Variants in MAPK14 observed in about 807,000 individuals in gnomAD.
The protein encoded by MAPK14 is CSAID-binding protein.
Under a neutral mutation model 49.6 loss-of-function variants are expected in MAPK14, and 16 were observed. The ratio of observed to expected loss-of-function variants is 0.32; its 90% CI spans 0.22 to 0.49. MAPK14 has a LOEUF of 0.49. Ranked by LOEUF, MAPK14 falls within the 20% of genes least tolerant of loss-of-function variation. MAPK14 has a pLI of 0.99. For missense variants in MAPK14, 200 were observed against 441.2 expected, an observed-to-expected ratio of 0.45 and a Z score of 4.90; for synonymous variants, 142 against 158.0, an observed-to-expected ratio of 0.90 and a Z score of 0.76.
chr6:36,090,826 A>G (rs1765196784), intron 8 of MAPK14, among the ~76,000 whole-genome samples: 1 of 152,216 alleles, frequency 6.6e-6, no homozygotes, highest in Non-Finnish European at 1.5e-5. Context: ...AAAATATTTT[A>G]TTAGGTTATT....
intron 6 of MAPK14, among the ~76,000 whole-genome samples, chr6:36,074,431 A>C (rs1354078022): frequency 2.0e-5 from 3 of 152,132 alleles, no homozygotes; most frequent in African/African-American, 7.2e-5. Context: ...GCAGAAACCC[A>C]CTCACTCAAA....
Position 36,107,269 on chromosome 6 carries a change from TACACACAC to T in MAPK14, c.842-170_842-163del, listed in dbSNP as rs67149910. On this transcript the variant is annotated intron_variant, in intron 10 of 11. Transcript: ENST00000229794. The surrounding 1 kb of genome is among the most constrained non-coding windows in gnomAD (Gnocchi z 4.3). ...AATTTTAAAACATAGAAAATACAGA[TACACACAC>T]ACACACACACACACATACACACATA... Among the ~76,000 whole-genome samples, 1 of 150,774 alleles carries T rather than the reference TACACACAC, an allele frequency of 6.6e-6. No homozygotes were observed. The highest frequency in any genetic ancestry group is 2.1e-4 in the South Asian group (1 of 4,764).
chr6:36,093,000 A>G (rs1355075739), intron 8 of MAPK14, among the ~76,000 whole-genome samples: 2 of 152,208 alleles, frequency 1.3e-5, no homozygotes, highest in Non-Finnish European at 2.9e-5. Flanking sequence ...GAATAGAGTT[A>G]TAGATAAGCT....
At chr6:36,076,097 T>A in intron 7 of MAPK14, 135 bp downstream of exon 7, 2 of 900,250 alleles carry the variant, frequency 2.2e-6, no homozygotes, top group Non-Finnish European at 3.3e-6. Flanking sequence ...AGCCTGCAAG[T>A]AAAAATATTT....
chr6:36,056,575 ATGTC>A (rs899999991), intron 2 of MAPK14, among the ~76,000 whole-genome samples: 7 of 152,182 alleles, frequency 4.6e-5, no homozygotes, highest in African/African-American at 1.7e-4. Context: ...TGGTTCCAAA[ATGTC>A]TGTTGTGTTT....
At chr6:36,043,804 CTTT>C (rs796534477) in intron 1 of MAPK14, among the ~76,000 whole-genome samples, 1 of 90,394 alleles carries the variant, frequency 1.1e-5, no homozygotes, top group South Asian at 3.8e-4. Context: ...CTTTTTCTTT[CTTT>C]TTTTTTTTTT....
chr6:36,110,468 C>T lies in MAPK14; in HGVS notation c.*2021C>T, dbSNP rs201932428. 7 of 152,672 alleles carry T rather than the reference C, an allele frequency of 4.6e-5. No homozygotes were observed. Among genetic ancestry groups the T allele is most frequent in the Non-Finnish European group, 8.8e-5 (6 of 68,052 alleles). 9.5% of individuals were successfully genotyped at this position (152,672 alleles called of 1,614,324 possible). A position where few individuals can be genotyped will look rare whatever the true frequency, so the allele number is the denominator to read the frequency against. On this transcript the variant is annotated 3_prime_UTR_variant, in exon 12 of 12. Coordinates refer to ENST00000229794, the MANE Select transcript of MAPK14 (RefSeq NM_139012.3). ...TTGTAAATGCTCGTGTGATTTCCTA[C>T]AGAAATACTGCTCTGAATATTTTGT...
chr6:36,052,690 T>G lies in MAPK14; in HGVS notation c.117-9T>G. On this transcript the variant is annotated splice_polypyrimidine_tract_variant and intron_variant, in intron 1 of 11. Coordinates refer to ENST00000229794, the MANE Select transcript of MAPK14 (RefSeq NM_139012.3). The stretch of plus-strand genomic sequence containing the variant: ...TTAATGGTGGGTTTTTTCCCTTTTT[T>G]CTCCTTAGTGCTGCTTTTGACACAA... 1 of 1,586,818 alleles carries G rather than the reference T, an allele frequency of 6.3e-7. No individual in the cohort carries two copies. Among genetic ancestry groups the G allele is most frequent in the Admixed American group, 1.9e-5 (1 of 53,312 alleles).
chr6:36,120,927 C>T, the MAPK14 span, among the ~76,000 whole-genome samples: 1 of 152,120 alleles, frequency 6.6e-6, no homozygotes, highest in Non-Finnish European at 1.5e-5. Flanking sequence ...ACACTCGTGC[C>T]CTCAAGAACT....
the MAPK14 span, among the ~76,000 whole-genome samples, chr6:36,121,906 A>T: frequency 1.3e-5 from 2 of 152,170 alleles, no homozygotes; most frequent in South Asian, 4.1e-4. Flanking sequence ...GATACTGTTA[A>T]CCCATCTCAT....
chr6:36,111,853 G>A (rs976920859), downstream of MAPK14, among the ~76,000 whole-genome samples: 4 of 152,172 alleles, frequency 2.6e-5, no homozygotes, highest in African/African-American at 7.2e-5. Flanking sequence ...CAGTGACTTC[G>A]TAAGGAGGTG....
chr6:36,101,580 G>A (rs1765639365), intron 9 of MAPK14, among the ~76,000 whole-genome samples: 1 of 151,954 alleles, frequency 6.6e-6, no homozygotes, highest in South Asian at 2.1e-4. Context: ...CCACCTCCTG[G>A]GCTCAAGCTT....
chr6:36,114,552 AG>A (rs1412292594), downstream of MAPK14, among the ~76,000 whole-genome samples: 2 of 151,060 alleles, frequency 1.3e-5, no homozygotes, highest in Non-Finnish European at 3.0e-5. Flanking sequence ...TGGGAGGCGG[AG>A]GTTGCAGTGA....
intron 2 of MAPK14, among the ~76,000 whole-genome samples, chr6:36,054,229 C>T (rs1330354451): frequency 1.3e-5 from 2 of 152,130 alleles, no homozygotes; most frequent in Non-Finnish European, 2.9e-5. Context: ...GAGACAGTGT[C>T]ACAGCTTTGC....
intron 1 of MAPK14, among the ~76,000 whole-genome samples, chr6:36,038,411 T>C (rs1010847145): frequency 6.6e-6 from 1 of 152,176 alleles, no homozygotes; most frequent in African/African-American, 2.4e-5. Flanking sequence ...GTTGCAGATA[T>C]GCAGGGATCA....
chr6:36,094,700 A>G lies in MAPK14; in HGVS notation c.683-1287A>G, dbSNP rs184850636. Among the ~76,000 whole-genome samples the G allele has an allele frequency of 2.0e-5, 3 of 152,298 alleles. No individual in the cohort carries two copies. In the East Asian group the frequency reaches 5.8e-4, roughly 29 times the overall value. On this transcript the variant is annotated intron_variant, in intron 8 of 11. Transcript: ENST00000229794. ...CAAATATTTTGACTACCTGTCATGT[A>G]CCAGATGTTAGGCTGGGGATAAATG...
chr6:36,100,096 T>C (rs1765581788), intron 9 of MAPK14: 2 of 857,938 alleles, frequency 2.3e-6, no homozygotes, highest in Non-Finnish European at 4.0e-6. Flanking sequence ...TTTTGTCTGT[T>C]TGGGGGTGGC....
chr6:36,028,791 C>CTTTTTTTTTT lies in MAPK14; in HGVS notation c.116+530_116+539dup, dbSNP rs111234964. Among the ~76,000 whole-genome samples the CTTTTTTTTTT allele has an allele frequency of 1.0e-5, 1 of 100,388 alleles. No homozygotes were observed. Among genetic ancestry groups the CTTTTTTTTTT allele is most frequent in the Non-Finnish European group, 2.0e-5 (1 of 49,626 alleles). 65.9% of individuals were successfully genotyped at this position (100,388 alleles called of 152,430 possible). ...ACCAGGAAGGGAGCTCTCTCCGGGC[C>CTTTTTTTTTT]TTTTTTTTTTTTTTTTTTTTTCAAA... On this transcript the variant is annotated intron_variant, in intron 1 of 11. Coordinates refer to ENST00000229794, the MANE Select transcript of MAPK14 (RefSeq NM_139012.3). The surrounding 1 kb of genome is among the most constrained non-coding windows in gnomAD (Gnocchi z 5.1).
intron 1 of MAPK14, among the ~76,000 whole-genome samples, chr6:36,029,697 T>A (rs934077213): frequency 6.6e-6 from 1 of 152,208 alleles, no homozygotes; most frequent in Non-Finnish European, 1.5e-5. Flanking sequence ...TGTGCAATTG[T>A]GTCCAGCAAC....
Sources: gnomAD v4.1 joint callset for allele counts (sites outside exome capture counted in the v4.1 genomes callset) on GRCh38, gnomAD v4.1.1 for gene constraint, Gnocchi (gnomAD v3.1) non-coding constraint, MANE v1.5 for transcripts, NCBI Gene and HGNC (gene_info 2026-07-23, HGNC 2026-07-21) for gene names.